The following MLIP variants were observed in gnomAD, a reference collection of about 807,000 sequenced individuals.
MLIP encodes the protein muscular LMNA-interacting protein.
MLIP carries 79 observed loss-of-function variants against 84.8 expected under a neutral mutation model. That is an observed-to-expected ratio of 0.93 (90% CI 0.78 to 1.12). MLIP has a LOEUF of 1.12. MLIP is among the 50% of genes most tolerant of loss of function. The pLI is 0.00. For missense variants in MLIP, 1,257 were observed against 1,160.6 expected (o/e 1.08, Z -1.21); for synonymous variants, 504 against 463.0 (o/e 1.09, Z -1.14).
At chr6:54,205,390 G>T (rs889959533) in intron 11 of MLIP, among the ~76,000 whole-genome samples, 1 of 152,182 alleles carries the variant, frequency 6.6e-6, no homozygotes, top group African/African-American at 2.4e-5. Context: ...TGGGCCAAAT[G>T]GAAGTAGCTC....
intron 11 of MLIP, among the ~76,000 whole-genome samples, chr6:54,208,836 C>T (rs1262407243): frequency 1.3e-5 from 2 of 152,056 alleles, no homozygotes; most frequent in Non-Finnish European, 2.9e-5. Flanking sequence ...TGCTCCTCTC[C>T]AAATACACTG....
chr6:54,128,687 G>C (rs184009660), intron 3 of MLIP, among the ~76,000 whole-genome samples: 3 of 152,090 alleles, frequency 2.0e-5, no homozygotes, highest in Non-Finnish European at 4.4e-5. Context: ...ATGCATTGGA[G>C]GGGTGATGTG....
At chr6:54,064,243 T>A (rs1766141685) in intron 1 of MLIP, among the ~76,000 whole-genome samples, 1 of 100,036 alleles carries the variant, frequency 1.0e-5, no homozygotes, top group African/African-American at 2.6e-5. Flanking sequence ...CTAGGGCATG[T>A]GATTAGATTT....
intron 1 of MLIP, among the ~76,000 whole-genome samples, chr6:54,036,584 C>T (rs560602551): frequency 4.6e-5 from 7 of 151,936 alleles, no homozygotes; most frequent in South Asian, 4.2e-4. Context: ...AAAAGACCAA[C>T]GATAAGTGTT....
intron 9 of MLIP, among the ~76,000 whole-genome samples, chr6:54,186,315 A>G (rs1054663774): frequency 3.9e-5 from 6 of 152,246 alleles, no homozygotes; most frequent in African/African-American, 1.4e-4. Context: ...CATATTTATA[A>G]TTATTCATCT....
chr6:54,261,653 A>G, intron 13 of MLIP: 1 of 984,948 alleles, frequency 1.0e-6, no homozygotes, highest in Non-Finnish European at 1.2e-6. Context: ...CTGATGTCTA[A>G]GGTTCTAAGA....
chr6:54,201,251 G>T (rs1778657345), intron 10 of MLIP, among the ~76,000 whole-genome samples: 1 of 152,142 alleles, frequency 6.6e-6, no homozygotes, highest in Non-Finnish European at 1.5e-5. Flanking sequence ...AAATTCTTTG[G>T]ATTGCAAGTG....
intron 1 of MLIP, among the ~76,000 whole-genome samples, chr6:54,097,010 G>T (rs998142976): frequency 6.6e-6 from 1 of 152,164 alleles, no homozygotes; most frequent in African/African-American, 2.4e-5. Context: ...CTGAGCCGAA[G>T]CAAGTAGTGC....
chr6:54,136,618 G>A lies in MLIP; in HGVS notation c.646-97G>A, dbSNP rs1020777814. 5 of 1,197,382 alleles carry A rather than the reference G, an allele frequency of 4.2e-6. No individual in the cohort carries two copies. In the African/African-American group the frequency reaches 6.1e-5, roughly 15 times the overall value. The allele number at this position is 1,197,382 out of a possible 1,614,324, so 74.2% of individuals were successfully genotyped here. A position where few individuals can be genotyped will look rare whatever the true frequency, so the allele number is the denominator to read the frequency against. On this transcript the variant is annotated intron_variant, in intron 3 of 13. Coordinates refer to ENST00000502396, the MANE Select transcript of MLIP (RefSeq NM_001281747.2). ...GTGGAGGTTTAAGATGCCTCCTTTT[G>A]TGTAAATTGTTTGTATAATCGCACA...
intron 1 of MLIP, among the ~76,000 whole-genome samples, chr6:54,033,712 C>T (rs984644127): frequency 1.3e-5 from 2 of 152,066 alleles, no homozygotes; most frequent in Non-Finnish European, 2.9e-5. Context: ...CCCATCACCC[C>T]TTTATGATGA....
In MLIP at chr6:54,136,992, C is replaced by T. The variant is rs1192312704; in HGVS notation, c.923C>T (p.Ser308Phe). The T allele has an allele frequency of 9.8e-6, 15 of 1,535,946 alleles. No homozygotes were observed. The highest frequency in any genetic ancestry group is 2.4e-5 in the East Asian group (1 of 40,922). ...CCCCATTCCACTCAACTATCAGGTT[C>T]TAATTTACCCAGTTCAACTGCAGCA... Reference protein sequence around the residue: ...LFPHSTQLSGSNLPSSTAADP... With the variant: ...LFPHSTQLSGFNLPSSTAADP... The change falls in exon 4 of 14, where the codon TCT (serine) becomes TTT (phenylalanine). Residue 308 changes from serine (S) to phenylalanine (F), a missense_variant. By Grantham distance (155) the Ser-to-Phe change is radical. Transcript: ENST00000502396.
intron 1 of MLIP, chr6:54,046,721 C>A (rs1420888031): frequency 6.6e-6 from 1 of 152,120 alleles, no homozygotes; most frequent in Non-Finnish European, 1.5e-5. Flanking sequence ...GGCTGTGATA[C>A]CTCATTGCCA....
In MLIP at chr6:54,158,781, C is replaced by T. The variant is rs201463711; in HGVS notation, c.2290-1586C>T. 6.6e-5 allele frequency among the ~76,000 whole-genome samples: 10 copies of T among 152,054 alleles called. No individual in the cohort carries two copies. In the East Asian group the frequency reaches 1.9e-3, roughly 30 times the overall value. On this transcript the variant is annotated intron_variant, in intron 5 of 13. Transcript: ENST00000502396. Reference sequence around the variant, plus strand: ...GAAATTCAGAACGTTTATCATGGTGCTGATGCTCTGGTAAGAGAGAACTGG... The same window carrying T: ...GAAATTCAGAACGTTTATCATGGTGTTGATGCTCTGGTAAGAGAGAACTGG...
At chr6:54,038,712 A>G (rs1764582041) in intron 1 of MLIP, among the ~76,000 whole-genome samples, 1 of 151,988 alleles carries the variant, frequency 6.6e-6, no homozygotes, top group East Asian at 1.9e-4. Context: ...TGTCCTTAAA[A>G]AGTCTCCTGA....
At chr6:54,081,438 G>A (rs1387546070) in intron 1 of MLIP, among the ~76,000 whole-genome samples, 1 of 151,810 alleles carries the variant, frequency 6.6e-6, no homozygotes, top group African/African-American at 2.4e-5. Flanking sequence ...ACAGAGTTTC[G>A]TTTATGTCGC....
intron 1 of MLIP, among the ~76,000 whole-genome samples, chr6:54,054,991 C>T (rs566198650): frequency 5.9e-5 from 9 of 152,096 alleles, no homozygotes; most frequent in African/African-American, 1.9e-4. Context: ...GGGTTCACGC[C>T]ATTCTCCTGC....
intron 3 of MLIP, among the ~76,000 whole-genome samples, chr6:54,128,760 C>A (rs559247034): frequency 4.6e-5 from 7 of 152,116 alleles, no homozygotes; most frequent in Non-Finnish European, 8.8e-5. Context: ...TACTTGAAAT[C>A]ATAAACCTCA....
chr6:54,118,450 G>A (rs1313368645), intron 1 of MLIP, among the ~76,000 whole-genome samples: 1 of 152,198 alleles, frequency 6.6e-6, no homozygotes, highest in African/African-American at 2.4e-5. Flanking sequence ...TTCAATAAGT[G>A]GTATTGGGAA....
chr6:54,121,073 C>T (rs962733548), intron 1 of MLIP, among the ~76,000 whole-genome samples: 10 of 151,966 alleles, frequency 6.6e-5, no homozygotes, highest in Admixed American at 3.3e-4. Context: ...TAAATTGAAC[C>T]GGCTAACCCA....
Sources: gnomAD v4.1 joint callset for allele counts (sites outside exome capture counted in the v4.1 genomes callset) on GRCh38, gnomAD v4.1.1 for gene constraint, MANE v1.5 for transcripts, NCBI Gene and HGNC (gene_info 2026-07-23, HGNC 2026-07-21) for gene names.